The following MMS22L variants were observed in gnomAD, a reference collection of about 807,000 sequenced individuals.
The protein encoded by MMS22L is protein MMS22-like.
MMS22L carries 74 observed loss-of-function variants against 159.1 expected under a neutral mutation model. That is an observed-to-expected ratio of 0.47 (90% CI 0.39 to 0.56). MMS22L has a LOEUF of 0.56. Ranked by LOEUF, MMS22L falls within the 20% of genes least tolerant of loss-of-function variation. The pLI is 0.00. For missense variants in MMS22L, 1,351 were observed against 1,422.1 expected, an observed-to-expected ratio of 0.95 and a Z score of 0.80; for synonymous variants, 517 against 506.9, an observed-to-expected ratio of 1.02 and a Z score of -0.27.
chr6:97,151,677 CATT>C, intron 23 of MMS22L, 91 bp downstream of exon 23: 1 of 939,950 alleles, frequency 1.1e-6, no homozygotes, highest in Non-Finnish European at 1.7e-6. Flanking sequence ...AGTAGTAACA[CATT>C]ATGTTTTGGA....
At chr6:97,238,625 G>A (rs1811706752) in intron 11 of MMS22L, among the ~76,000 whole-genome samples, 1 of 150,532 alleles carries the variant, frequency 6.6e-6, no homozygotes, top group South Asian at 2.1e-4. Context: ...CAGACGGGGA[G>A]AGAATATGAG....
At chr6:97,197,813 C>A (rs1806701372) in intron 14 of MMS22L, among the ~76,000 whole-genome samples, 1 of 152,010 alleles carries the variant, frequency 6.6e-6, no homozygotes, top group Non-Finnish European at 1.5e-5. Flanking sequence ...TGGAAGAGAC[C>A]ACCAATCTAT....
intron 22 of MMS22L, among the ~76,000 whole-genome samples, chr6:97,157,945 G>A (rs566768034): frequency 6.6e-6 from 1 of 152,202 alleles, no homozygotes; most frequent in South Asian, 2.1e-4. Flanking sequence ...AATCTGTCTG[G>A]TCCTAGGCTT....
Position 97,228,919 on chromosome 6 carries a change from G to GCCA in MMS22L, c.2013_2014insTGG (p.Phe671_Leu672insTrp). On this transcript the variant is annotated inframe_insertion, in exon 14 of 25. Transcript: ENST00000683635. ...CTGATTCTGGCCAGAACAGCTTGTA[G>GCCA]GAAGCTCAATACTGTCCTAAGTTCA... 6.2e-7 allele frequency: 1 copy of GCCA among 1,613,334 alleles called. No individual in the cohort carries two copies.
chr6:97,176,556 G>T (rs1428787246), intron 18 of MMS22L, among the ~76,000 whole-genome samples: 2 of 151,966 alleles, frequency 1.3e-5, no homozygotes, highest in South Asian at 4.1e-4. Flanking sequence ...TCCTAAACTG[G>T]TCTATGCAAA....
intron 14 of MMS22L, among the ~76,000 whole-genome samples, chr6:97,223,430 T>C (rs1393130720): frequency 6.6e-6 from 1 of 151,830 alleles, no homozygotes; most frequent in Non-Finnish European, 1.5e-5. Context: ...AAACCCAAAT[T>C]CAAATAACTT....
rs1221321882 is a variant in MMS22L, at chr6:97,142,753, TTAAC to T, written c.*4049_*4052del. The T allele has an allele frequency of 4.6e-5, 7 of 152,110 alleles. No individual in the cohort carries two copies. The highest frequency in any genetic ancestry group is 8.8e-5 in the Non-Finnish European group (6 of 67,984). The allele number at this position is 152,110 out of a possible 1,614,324, so 9.4% of individuals were successfully genotyped here. ...CAAATTTTTATATAACATACAATTT[TTAAC>T]TGTCAAAGATTCTGTGAAAGTACAC... On this transcript the variant is annotated 3_prime_UTR_variant, in exon 25 of 25. Transcript: ENST00000683635.
chr6:97,184,063 A>T (rs1804980866), intron 15 of MMS22L, among the ~76,000 whole-genome samples: 1 of 152,048 alleles, frequency 6.6e-6, no homozygotes, highest in Non-Finnish European at 1.5e-5. Context: ...TTGCCTCTCC[A>T]CTACATACAA....
chr6:97,230,589 A>G (rs1029881989), intron 13 of MMS22L: 13 of 152,126 alleles, frequency 8.5e-5, no homozygotes, highest in Admixed American at 7.9e-4. Flanking sequence ...TGTCTAATAG[A>G]CTTGTTATTG....
In MMS22L at chr6:97,278,850, A is replaced by G; in HGVS notation, c.339T>C (p.Phe113=). 6.2e-7 allele frequency: 1 copy of G among 1,613,024 alleles called. No homozygotes were observed. Among genetic ancestry groups the G allele is most frequent in the Non-Finnish European group, 8.5e-7 (1 of 1,179,550 alleles). The change falls in exon 4 of 25, where the codon TTT becomes TTC. Residue 113 remains phenylalanine, a splice_region_variant and synonymous_variant. Transcript: ENST00000683635. ...GCATTAAACACACCTTAAACTTACCAAAATCACAACTGGACTGTAACAAGG... is the reference window on the plus strand; with the variant it reads ...GCATTAAACACACCTTAAACTTACCGAAATCACAACTGGACTGTAACAAGG... ...LETLLQSSCD[F]GKVSTLHCKA...
At chr6:97,148,067 T>C (rs1800996608) in intron 24 of MMS22L, among the ~76,000 whole-genome samples, 1 of 152,146 alleles carries the variant, frequency 6.6e-6, no homozygotes, top group Non-Finnish European at 1.5e-5. Context: ...TTTTGGTCAA[T>C]GATGGATCCC....
chr6:97,273,183 C>A, intron 4 of MMS22L, 121 bp from the exon 5 acceptor site: 1 of 791,460 alleles, frequency 1.3e-6, no homozygotes, highest in South Asian at 1.7e-5. Context: ...ATTAAACATT[C>A]TCTTATGGTT....
intron 18 of MMS22L, among the ~76,000 whole-genome samples, chr6:97,174,051 G>A (rs921657615): frequency 2.0e-5 from 3 of 151,718 alleles, no homozygotes; most frequent in South Asian, 2.1e-4. Flanking sequence ...TCAAGAGATC[G>A]AGACCATCCT....
intron 14 of MMS22L, among the ~76,000 whole-genome samples, chr6:97,199,936 C>T (rs1323630720): frequency 1.3e-5 from 2 of 151,962 alleles, no homozygotes; most frequent in Non-Finnish European, 2.9e-5. Context: ...GTATAAGCCC[C>T]ATCCCCTTTC....
intron 22 of MMS22L, among the ~76,000 whole-genome samples, chr6:97,158,057 T>C (rs1165170652): frequency 6.6e-6 from 1 of 152,204 alleles, no homozygotes; most frequent in East Asian, 1.9e-4. Flanking sequence ...GGAGGATGTA[T>C]GTGTCTAGGA....
At chr6:97,251,338 C>G (rs1221052648) in intron 10 of MMS22L, among the ~76,000 whole-genome samples, 1 of 151,986 alleles carries the variant, frequency 6.6e-6, no homozygotes, top group Admixed American at 6.5e-5. Flanking sequence ...AATATATTAC[C>G]CTCTCACCTA....
chr6:97,187,633 A>G (rs1315902259), intron 14 of MMS22L, among the ~76,000 whole-genome samples: 1 of 152,146 alleles, frequency 6.6e-6, no homozygotes, highest in African/African-American at 2.4e-5. Context: ...AATTATGGAG[A>G]AGACTTCCTT....
At chr6:97,217,729 A>G (rs931681751) in intron 14 of MMS22L, among the ~76,000 whole-genome samples, 1 of 152,154 alleles carries the variant, frequency 6.6e-6, no homozygotes, top group African/African-American at 2.4e-5. Context: ...GAAAGCTTTG[A>G]TATCTTTTCT....
chr6:97,189,164 A>G (rs910311260), intron 14 of MMS22L, among the ~76,000 whole-genome samples: 3 of 151,730 alleles, frequency 2.0e-5, no homozygotes, highest in Non-Finnish European at 4.4e-5. Context: ...ACAAATGTGA[A>G]CCACCTTTGA....
Sources: allele counts gnomAD v4.1 joint callset (sites outside exome capture counted in the v4.1 genomes callset), GRCh38; gene constraint gnomAD v4.1.1; transcripts MANE v1.5; gene names NCBI Gene and HGNC (gene_info 2026-07-23, HGNC 2026-07-21).